AGBL4: variants seen among roughly 807,000 people sequenced by gnomAD.
The protein encoded by AGBL4 is cytosolic carboxypeptidase 6.
In AGBL4, 58 loss-of-function variants were observed where a neutral mutation model predicts 66.4. The observed-to-expected ratio is 0.87, with a 90% CI of 0.71 to 1.09. The LOEUF is 1.09. Ranked by LOEUF, AGBL4 falls within the 50% of genes least tolerant of loss-of-function variation. AGBL4 has a pLI of 0.00. For synonymous variants in AGBL4, 234 were observed against 222.9 expected (o/e 1.05, Z -0.44); for missense variants, 579 against 631.0 (o/e 0.92, Z 0.88).
intron 3 of AGBL4, among the ~76,000 whole-genome samples, chr1:49,265,169 G>C (rs1570275422): frequency 6.6e-6 from 1 of 152,072 alleles, no homozygotes; most frequent in Non-Finnish European, 1.5e-5. Flanking sequence ...CCATAACTTA[G>C]GTATGAGTAG....
rs183075946 is a variant in AGBL4 at position 49,050,189 on chromosome 1, G to A, written c.378-4389C>T. ...CTTGTCCTGAGTTCAGCATCCTGAG[G>A]ACATCCACATGAATGAGGGAGGTCT... On this transcript the variant is annotated intron_variant, in intron 4 of 13. Coordinates refer to ENST00000371839, the MANE Select transcript of AGBL4 (RefSeq NM_032785.4). Among the ~76,000 whole-genome samples, 204 of 152,166 alleles carry A rather than the reference G, an allele frequency of 1.3e-3. 1 individual carries two copies. The highest frequency in any genetic ancestry group is 2.3e-3 in the Non-Finnish European group (157 of 68,002).
At chr1:48,664,382 CA>C (rs1003558284) in intron 6 of AGBL4, among the ~76,000 whole-genome samples, 7 of 152,250 alleles carry the variant, frequency 4.6e-5, no homozygotes, top group Non-Finnish European at 1.0e-4. Context: ...TGAATTCCCA[CA>C]ACTAAAGAGG....
At chr1:49,930,525 T>C (rs781153995) in intron 1 of AGBL4, among the ~76,000 whole-genome samples, 51 of 151,862 alleles carry the variant, frequency 3.4e-4, no homozygotes, top group Non-Finnish European at 6.9e-4. Flanking sequence ...TATGCAAAAA[T>C]TCTAAATAAA....
chr1:48,646,877 C>T (rs544576776), intron 8 of AGBL4, among the ~76,000 whole-genome samples: 109 of 152,174 alleles, frequency 7.2e-4, no homozygotes, highest in African/African-American at 2.0e-3. Context: ...CTAAATGAAA[C>T]GATACCTATA....
intron 1 of AGBL4, among the ~76,000 whole-genome samples, chr1:49,864,207 C>G (rs1057497796): frequency 6.6e-6 from 1 of 151,816 alleles, no homozygotes; most frequent in Non-Finnish European, 1.5e-5. Context: ...ATCTAAAAAT[C>G]AAAACAATTG....
chr1:48,974,714 T>C (rs1222194480), intron 5 of AGBL4, among the ~76,000 whole-genome samples: 1 of 152,120 alleles, frequency 6.6e-6, no homozygotes, highest in Non-Finnish European at 1.5e-5. Flanking sequence ...ATACTATAAA[T>C]TTAAATAGGT....
At chr1:49,992,206 C>T (rs888394098) in intron 1 of AGBL4, among the ~76,000 whole-genome samples, 2 of 151,974 alleles carry the variant, frequency 1.3e-5, no homozygotes, top group Non-Finnish European at 2.9e-5. Context: ...CCCGTCTCTA[C>T]TAAAAACACA....
chr1:49,812,799 G>A (rs1178082967), intron 2 of AGBL4, among the ~76,000 whole-genome samples: 1 of 152,122 alleles, frequency 6.6e-6, no homozygotes, highest in African/African-American at 2.4e-5. Flanking sequence ...GAACTACTAT[G>A]TGCCAGGTAC....
intron 5 of AGBL4, among the ~76,000 whole-genome samples, chr1:48,904,094 C>T (rs1313466128): frequency 6.6e-6 from 1 of 152,128 alleles, no homozygotes; most frequent in African/African-American, 2.4e-5. Flanking sequence ...GCCTGACCAA[C>T]ATGGTGGAAT....
At chr1:48,761,297 T>C (rs572740803) in intron 6 of AGBL4, 7 of 1,520,132 alleles carry the variant, frequency 4.6e-6, no homozygotes, top group Middle Eastern at 1.7e-4. Context: ...TATCTGAAAA[T>C]GCTCCAGCAT....
chr1:49,948,582 T>TAG lies in AGBL4; in HGVS notation c.34+75179_34+75180dup, dbSNP rs71059567. Among the ~76,000 whole-genome samples, 553 of 126,888 alleles carry TAG rather than the reference T, an allele frequency of 4.4e-3. 5 individuals carry two copies. The highest frequency in any genetic ancestry group is 0.016 in the African/African-American group (518 of 32,742). 83.2% of individuals were successfully genotyped at this position (126,888 alleles called of 152,430 possible). A position where few individuals can be genotyped will look rare whatever the true frequency, so the allele number is the denominator to read the frequency against. ...ATATAAAAATATATATATATATATA[T>TAG]AGAGAGAGAGAGAGAGAGAGAGAGA... On this transcript the variant is annotated intron_variant, in intron 1 of 13. Coordinates refer to ENST00000371839, the MANE Select transcript of AGBL4 (RefSeq NM_032785.4).
intron 1 of AGBL4, among the ~76,000 whole-genome samples, chr1:49,899,871 T>A (rs976905193): frequency 7.9e-5 from 12 of 152,006 alleles, no homozygotes; most frequent in African/African-American, 2.9e-4. Flanking sequence ...TGAAACCCCA[T>A]CTCTACTAAA....
At chr1:49,404,710 A>G (rs564259546) in intron 3 of AGBL4, among the ~76,000 whole-genome samples, 1 of 152,350 alleles carries the variant, frequency 6.6e-6, no homozygotes, top group South Asian at 2.1e-4. Flanking sequence ...ATGGTTTAAT[A>G]TGGCAGATTT....
rs1646509387 is a variant in AGBL4, at chr1:49,159,968, CT to C, written c.377+85801del. Reference sequence around the variant, plus strand: ...TATTCTAGTTTGCAATTTGTCTAACCTCTTTTCAAGCTTCTTAGCTTCCTTG... The same window carrying C: ...TATTCTAGTTTGCAATTTGTCTAACCCTTTTCAAGCTTCTTAGCTTCCTTG... On this transcript the variant is annotated intron_variant, in intron 4 of 13. Coordinates refer to ENST00000371839, the MANE Select transcript of AGBL4 (RefSeq NM_032785.4). Among the ~76,000 whole-genome samples, 4 of 152,088 alleles carry C rather than the reference CT, an allele frequency of 2.6e-5. No individual in the cohort carries two copies. In the South Asian group the frequency reaches 8.3e-4, roughly 32 times the overall value.
At chr1:49,608,682 G>A (rs1420859082) in intron 3 of AGBL4, among the ~76,000 whole-genome samples, 1 of 152,062 alleles carries the variant, frequency 6.6e-6, no homozygotes, top group Non-Finnish European at 1.5e-5. Flanking sequence ...GTTTTGCAAT[G>A]GCCTGGCCAA....
At chr1:49,258,266 A>T (rs973650194) in intron 3 of AGBL4, among the ~76,000 whole-genome samples, 17 of 152,226 alleles carry the variant, frequency 1.1e-4, no homozygotes, top group Non-Finnish European at 2.2e-4. Context: ...CCTCCAAAGG[A>T]ACGCAGTTCC....
At chr1:49,095,573 A>C (rs1645081636) in intron 4 of AGBL4, among the ~76,000 whole-genome samples, 1 of 152,220 alleles carries the variant, frequency 6.6e-6, no homozygotes. Flanking sequence ...AACCTGACAA[A>C]AACAAGAAAT....
intron 2 of AGBL4, among the ~76,000 whole-genome samples, chr1:49,729,014 T>C (rs1481985684): frequency 6.6e-6 from 1 of 152,146 alleles, no homozygotes; most frequent in Non-Finnish European, 1.5e-5. Flanking sequence ...AATGTACCTC[T>C]CTCCATACAG....
intron 11 of AGBL4, among the ~76,000 whole-genome samples, chr1:48,567,164 T>C (rs1038850808): frequency 3.9e-5 from 6 of 152,234 alleles, no homozygotes; most frequent in African/African-American, 1.4e-4. Context: ...TTGTTCCTCC[T>C]TCACAGGGTT....
Sources: allele counts gnomAD v4.1 joint callset (sites outside exome capture counted in the v4.1 genomes callset), GRCh38; gene constraint gnomAD v4.1.1; transcripts MANE v1.5; gene names NCBI Gene and HGNC (gene_info 2026-07-23, HGNC 2026-07-21).